TMPRSS9: variants seen among roughly 807,000 people sequenced by gnomAD.
The protein encoded by TMPRSS9 is transmembrane serine protease 9.
TMPRSS9 carries 113 observed loss-of-function variants against 111.4 expected under a neutral mutation model. The observed-to-expected ratio is 1.01, with a 90% confidence interval of 0.87 to 1.19. TMPRSS9 has a LOEUF of 1.19. Ranked by LOEUF, TMPRSS9 falls within the 50% of genes most tolerant of loss-of-function variation. The pLI is 0.00. For synonymous variants in TMPRSS9, 805 were observed against 659.1 expected (o/e 1.22, Z -3.39); for missense variants, 1,803 against 1,513.1 (o/e 1.19, Z -3.18).
At chr19:2,399,664 G>C (rs996429558) in intron 4 of TMPRSS9, among the ~76,000 whole-genome samples, 18 of 152,154 alleles carry the variant, frequency 1.2e-4, no homozygotes, top group African/African-American at 4.3e-4. Context: ...GTTCTGTAAA[G>C]AGCCAGAGTG....
At chr19:2,425,726 T>A (rs1390707472) in intron 17 of TMPRSS9, 4 of 1,145,862 alleles carry the variant, frequency 3.5e-6, no homozygotes, top group Non-Finnish European at 4.7e-6. Context: ...GAGGCTGCAG[T>A]GGGAGGCACC....
At chr19:2,417,290 A>G (rs1971264498) in intron 12 of TMPRSS9, among the ~76,000 whole-genome samples, 1 of 151,968 alleles carries the variant, frequency 6.6e-6, no homozygotes, top group Admixed American at 6.6e-5. Context: ...ACATGGTGAA[A>G]CCCCGTCTCT....
intron 10 of TMPRSS9, among the ~76,000 whole-genome samples, chr19:2,414,702 C>T (rs1599308080): frequency 6.6e-6 from 1 of 151,110 alleles, no homozygotes; most frequent in East Asian, 2.1e-4. Flanking sequence ...TGGCAAAACC[C>T]CATCTATACT....
chr19:2,381,874 G>A (rs192713049), intron 1 of TMPRSS9, among the ~76,000 whole-genome samples: 2 of 152,174 alleles, frequency 1.3e-5, no homozygotes, highest in Non-Finnish European at 2.9e-5. Flanking sequence ...ACGGAGTCTC[G>A]CTCTGTCGCC....
At chr19:2,403,464 A>C (rs1296197260) in intron 6 of TMPRSS9, among the ~76,000 whole-genome samples, 2 of 152,286 alleles carry the variant, frequency 1.3e-5, no homozygotes, top group Admixed American at 6.6e-5. Context: ...TTGTGGCCAC[A>C]GCCTGGGAAG....
In TMPRSS9 at chr19:2,416,534, A is replaced by G; in HGVS notation, c.1746-4A>G. 2 of 1,604,346 alleles carry G rather than the reference A, an allele frequency of 1.2e-6. No homozygotes were observed. Among genetic ancestry groups the G allele is most frequent in the South Asian group, 1.1e-5 (1 of 90,800 alleles). ...AGGCATGTCTGAGGGCCCTGTCTCCATAGCACGAAGGTGGAGCAGGTTCGG... is the reference window on the plus strand; with the variant it reads ...AGGCATGTCTGAGGGCCCTGTCTCCGTAGCACGAAGGTGGAGCAGGTTCGG... On this transcript the variant is annotated splice_region_variant and splice_polypyrimidine_tract_variant and intron_variant, in intron 11 of 17. Transcript: ENST00000648592.
At chr19:2,410,262 C>T (rs983600630) in exon 9 of TMPRSS9, 1 of 1,613,648 alleles carries the variant, frequency 6.2e-7, no homozygotes, top group Admixed American at 1.7e-5. Context: ...GGCCAGTGGT[C>T]AAGCCAGAGG....
chr19:2,401,076 C>T (rs1273930493), intron 4 of TMPRSS9, among the ~76,000 whole-genome samples: 9 of 150,906 alleles, frequency 6.0e-5, no homozygotes, highest in East Asian at 5.8e-4. Flanking sequence ...AGATCGAGAC[C>T]ATCCTGGCTA....
intron 1 of TMPRSS9, among the ~76,000 whole-genome samples, chr19:2,361,282 TGGGATGGGTTGGTGGGGTGCA>T (rs1244185932): frequency 1.1e-5 from 1 of 87,082 alleles, no homozygotes; most frequent in Non-Finnish European, 2.3e-5. Context: ...GGTGGGGTGC[TGGGATGGGTTGGTGGGGTGCA>T]GGGCTGGGAT....
intron 13 of TMPRSS9, 52 bp from the exon 15 acceptor site, chr19:2,421,802 G>C: frequency 6.5e-7 from 1 of 1,532,026 alleles, no homozygotes; most frequent in Non-Finnish European, 8.8e-7. Context: ...TGGCAGTGCT[G>C]GGAAGAGAGG....
chr19:2,390,083 G>T (rs561015019), intron 1 of TMPRSS9, among the ~76,000 whole-genome samples, 156 bp downstream of exon 2: 1 of 152,224 alleles, frequency 6.6e-6, no homozygotes, highest in South Asian at 2.1e-4. Context: ...GGTGGGCGGG[G>T]AGTGGAGCAG....
chr19:2,396,237 G>A (rs894701030), intron 1 of TMPRSS9: 1 of 285,910 alleles, frequency 3.5e-6, no homozygotes, highest in Non-Finnish European at 6.5e-6. Flanking sequence ...TTCTGCCTTC[G>A]AGGAAAACAC....
rs1171490809 is a variant in TMPRSS9 at position 2,424,079 on chromosome 19, T to TC, written c.2549-5dup. 1.6e-6 allele frequency: 2 copies of TC among 1,264,818 alleles called. No individual in the cohort carries two copies. Among genetic ancestry groups the TC allele is most frequent in the Non-Finnish European group, 2.0e-6 (2 of 1,003,054 alleles). The allele number at this position is 1,264,818 out of a possible 1,614,324, so 78.3% of individuals were successfully genotyped here. A position where few individuals can be genotyped will look rare whatever the true frequency, so the allele number is the denominator to read the frequency against. ...GGGTCCGCCTGCCCACGCGCCTGGC[T>TC]CCCCCGCAGACTGTGGCCTGGCGCC... On this transcript the variant is annotated splice_polypyrimidine_tract_variant and intron_variant, in intron 14 of 17. Coordinates refer to ENST00000648592, the Ensembl canonical transcript of TMPRSS9.
chr19:2,425,833 A>C, intron 17 of TMPRSS9, 94 bp from the exon 19 acceptor site: 1 of 1,448,692 alleles, frequency 6.9e-7, no homozygotes, highest in African/African-American at 1.4e-5. Flanking sequence ...TCCCAGGGGA[A>C]GTCACTAGGG....
At chr19:2,366,475 A>G (rs1201183613) in intron 1 of TMPRSS9, among the ~76,000 whole-genome samples, 1 of 152,236 alleles carries the variant, frequency 6.6e-6, no homozygotes, top group Non-Finnish European at 1.5e-5. Flanking sequence ...ACAGACATTT[A>G]TTCTGTCACA....
At chr19:2,371,666 C>T (rs1275900242) in intron 1 of TMPRSS9, among the ~76,000 whole-genome samples, 3 of 151,838 alleles carry the variant, frequency 2.0e-5, no homozygotes, top group Non-Finnish European at 4.4e-5. Flanking sequence ...CACTGCACTC[C>T]AGCCTGGCGA....
chr19:2,363,142 C>A (rs796998213), intron 1 of TMPRSS9, among the ~76,000 whole-genome samples: 2 of 152,204 alleles, frequency 1.3e-5, no homozygotes, highest in Non-Finnish European at 2.9e-5. Context: ...AGCGTGTGAA[C>A]GTGAGTTGGG....
intron 1 of TMPRSS9, among the ~76,000 whole-genome samples, chr19:2,370,076 C>T (rs1017749013): frequency 3.3e-5 from 5 of 151,972 alleles, no homozygotes; most frequent in Admixed American, 6.6e-5. Flanking sequence ...GGCATGATGG[C>T]GGGCACCAGT....
At chr19:2,383,903 G>A (rs570693803) in intron 1 of TMPRSS9, among the ~76,000 whole-genome samples, 1 of 151,950 alleles carries the variant, frequency 6.6e-6, no homozygotes, top group Non-Finnish European at 1.5e-5. Context: ...CCAAAGCCCG[G>A]CCAAGGTATT....
Sources: allele counts gnomAD v4.1 joint callset (sites outside exome capture counted in the v4.1 genomes callset), GRCh38; gene constraint gnomAD v4.1.1; transcripts MANE v1.5; gene names NCBI Gene and HGNC (gene_info 2026-07-23, HGNC 2026-07-21).